The following RNF149 variants were observed in gnomAD, a reference collection of about 807,000 sequenced individuals.
RNF149 encodes the protein ring finger protein 149, also known as E3 ubiquitin-protein ligase RNF149.
RNF149 carries 21 observed loss-of-function variants against 39.0 expected under a neutral mutation model. The observed-to-expected ratio is 0.54, with a 90% CI of 0.38 to 0.77. The LOEUF is 0.77. Among genes scored for constraint, RNF149 ranks in the 30% least tolerant of loss-of-function variants. The probability of loss-of-function intolerance (pLI) is 0.00; values close to 1 mark genes in which losing one functional copy is unlikely to be tolerated. For missense variants in RNF149, 493 were observed against 534.9 expected, an observed-to-expected ratio of 0.92 and a Z score of 0.77; for synonymous variants, 209 against 213.6, an observed-to-expected ratio of 0.98 and a Z score of 0.19.
chr2:101,290,521 CTA>C (rs1287209439), intron 3 of RNF149, among the ~76,000 whole-genome samples: 1 of 152,064 alleles, frequency 6.6e-6, no homozygotes, highest in African/African-American at 2.4e-5. Flanking sequence ...ATAAAATAAA[CTA>C]TTTTTCAAAC....
intron 1 of RNF149, among the ~76,000 whole-genome samples, chr2:101,299,558 T>C (rs911101689): frequency 5.3e-5 from 8 of 152,336 alleles, no homozygotes; most frequent in African/African-American, 1.9e-4. Context: ...CTTTGCAAGC[T>C]AGAAGTCTTT....
intron 6 of RNF149, among the ~76,000 whole-genome samples, chr2:101,278,292 C>G (rs1682428336): frequency 1.3e-5 from 2 of 152,018 alleles, no homozygotes; most frequent in African/African-American, 4.8e-5. Flanking sequence ...GCTAGGACTA[C>G]AGTAGGCACA....
intron 1 of RNF149, 97 bp downstream of exon 1, chr2:101,308,032 G>T: frequency 1.3e-6 from 2 of 1,496,246 alleles, no homozygotes; most frequent in South Asian, 1.3e-5. Context: ...GCCGTGCCAG[G>T]CCCGCTTCGC....
rs986125598 is a variant in RNF149 at position 101,282,411 on chromosome 2, G to A, written c.961-354C>T. Reference sequence around the variant, plus strand: ...TGAACTCTGATTACCGCCCTGTGCTGGTTTACAGTGAGGCACTAGGGTTTC... The same window carrying A: ...TGAACTCTGATTACCGCCCTGTGCTAGTTTACAGTGAGGCACTAGGGTTTC... On this transcript the variant is annotated intron_variant, in intron 5 of 6. Coordinates refer to ENST00000295317, the MANE Select transcript of RNF149 (RefSeq NM_173647.4). Among the ~76,000 whole-genome samples the A allele has an allele frequency of 4.6e-5, 7 of 152,122 alleles. No homozygotes were observed. The South Asian group carries it at 6.2e-4, about 14-fold the overall frequency.
chr2:101,298,471 A>G (rs1683326490), intron 1 of RNF149, among the ~76,000 whole-genome samples: 1 of 152,078 alleles, frequency 6.6e-6, no homozygotes, highest in South Asian at 2.1e-4. Flanking sequence ...ATTTATTGCC[A>G]ATGTTCTTTC....
At chr2:101,307,079 G>C (rs1683693969) in intron 1 of RNF149, among the ~76,000 whole-genome samples, 1 of 152,166 alleles carries the variant, frequency 6.6e-6, no homozygotes, top group South Asian at 2.1e-4. Flanking sequence ...TTAGTTTCAA[G>C]GACATTTTGC....
At position 101,303,318 on chromosome 2, in the gene RNF149, GT is replaced by G. The variant is rs538853491; in HGVS notation, c.460+4810del. ...TTTTTGTATTTTTAGTAGAGACGGG[GT>G]TTTTGCCATGTTGGCCAGGCCAGTC... is the stretch of plus-strand genomic sequence containing the variant. On this transcript the variant is annotated intron_variant, in intron 1 of 6. Transcript: ENST00000295317. Among the ~76,000 whole-genome samples the G allele has an allele frequency of 2.0e-5, 3 of 149,204 alleles. No individual in the cohort carries two copies. The East Asian group carries it at 5.9e-4, about 29-fold the overall frequency.
chr2:101,306,460 C>T lies in RNF149; in HGVS notation c.460+1669G>A, dbSNP rs558833428. Among the ~76,000 whole-genome samples, 6 of 152,276 alleles carry T rather than the reference C, an allele frequency of 3.9e-5. No homozygotes were observed. The East Asian group carries it at 1.2e-3, about 29-fold the overall frequency. On this transcript the variant is annotated intron_variant, in intron 1 of 6. Transcript: ENST00000295317. ...ATAGATTTGTAATCACTGGAATAAC[C>T]GCACTGAACGTAGTGCCTAGCCCAG... is the stretch of plus-strand genomic sequence containing the variant.
chr2:101,273,017 C>A (rs770284343), downstream of RNF149: 1 of 1,352,788 alleles, frequency 7.4e-7, no homozygotes, highest in Admixed American at 1.9e-5. Flanking sequence ...GGAGACACTG[C>A]AATTCGGCCT....
Position 101,308,549 on chromosome 2 carries a change from C to T in RNF149, c.40G>A (p.Gly14Ser). The change falls in exon 1 of 7, where the codon GGC becomes AGC. Residue 14 changes from glycine to serine, a missense_variant. Physicochemically the swap from Gly to Ser is moderately conservative, Grantham distance 56 (BLOSUM62 0). Coordinates refer to ENST00000295317, the MANE Select transcript of RNF149 (RefSeq NM_173647.4). ...GCGAGCAACGCCAGAGCCAACACGC[C>T]GCGAGCCCCGACGCTGGCTTCGCGC... ...RRREASVGARGVLALALLALA... is the reference protein window; with the variant it reads ...RRREASVGARSVLALALLALA... 6.3e-7 allele frequency: 1 copy of T among 1,587,900 alleles called. No individual in the cohort carries two copies. Among genetic ancestry groups the T allele is most frequent in the Non-Finnish European group, 8.5e-7 (1 of 1,171,312 alleles).
intron 3 of RNF149, among the ~76,000 whole-genome samples, chr2:101,291,687 A>G (rs1052082643): frequency 4.6e-5 from 7 of 152,258 alleles, no homozygotes; most frequent in African/African-American, 1.7e-4. Context: ...AGTATCATTT[A>G]TCATATGCAG....
At chr2:101,286,242 A>G in intron 4 of RNF149, 65 bp from the exon 5 acceptor site, 1 of 955,204 alleles carries the variant, frequency 1.0e-6, no homozygotes, top group South Asian at 1.4e-5. Flanking sequence ...TAAAGGAAAT[A>G]AGACATTGTA....
intron 1 of RNF149, among the ~76,000 whole-genome samples, chr2:101,297,271 C>T (rs572260759): frequency 2.0e-5 from 3 of 151,948 alleles, no homozygotes; most frequent in Non-Finnish European, 2.9e-5. Flanking sequence ...ATAACAAAGA[C>T]AAAAAACTAA....
Position 101,294,058 on chromosome 2 carries a change from C to G in RNF149, c.736G>C (p.Val246Leu). ...SQSHRKETKKVIGQLLLHTVK... is the reference protein window; with the variant it reads ...SQSHRKETKKLIGQLLLHTVK... ...GTATGAAGTAGAAGCTGGCCAATAA[C>G]TTTCTTAGTTTCTTTTCTATGGCTC... Residue 246 changes from valine (V) to leucine (L), a missense_variant, in exon 3 of 7, where the codon GTT becomes CTT. By Grantham distance (32) the Val-to-Leu change is conservative. Transcript: ENST00000295317. The G allele has an allele frequency of 6.3e-7, 1 of 1,581,572 alleles. No individual in the cohort carries two copies. Among genetic ancestry groups the G allele is most frequent in the Non-Finnish European group, 8.7e-7 (1 of 1,151,898 alleles).
chr2:101,303,688 T>C (rs541783887), intron 1 of RNF149, among the ~76,000 whole-genome samples: 6 of 152,104 alleles, frequency 3.9e-5, no homozygotes, highest in Non-Finnish European at 8.8e-5. Flanking sequence ...GATTTCTTTT[T>C]TAATTTTATT....
intron 1 of RNF149, 173 bp downstream of exon 1, chr2:101,307,956 C>A (rs773740257): frequency 1.0e-6 from 1 of 985,486 alleles, no homozygotes; most frequent in Non-Finnish European, 1.2e-6. Context: ...CTCCCAACAG[C>A]GATCGGGGAG....
chr2:101,301,122 T>C (rs1683436180), intron 1 of RNF149, among the ~76,000 whole-genome samples: 1 of 152,194 alleles, frequency 6.6e-6, no homozygotes, highest in South Asian at 2.1e-4. Context: ...CCTTAGGCCT[T>C]AACGTTGTTA....
At chr2:101,285,455 T>C (rs76199652) in intron 5 of RNF149, among the ~76,000 whole-genome samples, 7,894 of 152,154 alleles carry the variant, frequency 0.052, 323 homozygotes, top group Non-Finnish European at 0.073. Context: ...ATCAGTAAGA[T>C]GGGAATAGTG....
intron 1 of RNF149, among the ~76,000 whole-genome samples, chr2:101,305,708 T>A (rs6711606): frequency 6.6e-6 from 1 of 151,770 alleles, no homozygotes; most frequent in African/African-American, 2.4e-5. Context: ...GAGGGGGGTA[T>A]GAACAGGGAG....
Sources: gnomAD v4.1 joint callset for allele counts (sites outside exome capture counted in the v4.1 genomes callset) on GRCh38, gnomAD v4.1.1 for gene constraint, MANE v1.5 for transcripts, NCBI Gene and HGNC (gene_info 2026-07-23, HGNC 2026-07-21) for gene names.